Variants in GRIA2 observed in about 807,000 individuals in gnomAD.
GRIA2 encodes glutamate ionotropic receptor AMPA type subunit 2.
Under a neutral mutation model 97.3 loss-of-function variants are expected in GRIA2, and 14 were observed. That is an observed-to-expected ratio of 0.14 (90% CI 0.10 to 0.23). The LOEUF (loss-of-function observed/expected upper bound fraction) is 0.23, where lower values mean the gene tolerates loss of function less well. GRIA2 is among the 10% of genes least tolerant of loss of function. The probability of loss-of-function intolerance (pLI) is 1.00; values close to 1 mark genes in which losing one functional copy is unlikely to be tolerated. For synonymous variants in GRIA2, 412 were observed against 387.8 expected (o/e 1.06, Z -0.73); for missense variants, 558 against 1,069.8 (o/e 0.52, Z 6.67).
intron 4 of GRIA2, among the ~76,000 whole-genome samples, chr4:157,315,732 G>A (rs1251078172): frequency 6.6e-6 from 1 of 151,858 alleles, no homozygotes; most frequent in African/African-American, 2.4e-5. Context: ...GTAGAGACCG[G>A]GTATCACCAT....
chr4:157,338,890 T>C (rs1735422414), intron 11 of GRIA2, among the ~76,000 whole-genome samples: 1 of 152,010 alleles, frequency 6.6e-6, no homozygotes. Flanking sequence ...TTGAGAAGAA[T>C]ACAGTAGCTT....
chr4:157,282,190 G>A (rs1301711090), intron 2 of GRIA2, among the ~76,000 whole-genome samples: 1 of 151,960 alleles, frequency 6.6e-6, no homozygotes, highest in Non-Finnish European at 1.5e-5. Flanking sequence ...TCTGTCCATT[G>A]TGCGGTCCCA....
At chr4:157,324,562 T>C (rs1734722188) in intron 6 of GRIA2, among the ~76,000 whole-genome samples, 1 of 152,040 alleles carries the variant, frequency 6.6e-6, no homozygotes, top group African/African-American at 2.4e-5. Context: ...GGAAGAAAAG[T>C]GTGAGAAGTT....
chr4:157,362,369 T>C (rs553949200), intron 14 of GRIA2: 4 of 456,712 alleles, frequency 8.8e-6, no homozygotes, highest in East Asian at 1.4e-4. Context: ...ATGGTCAACA[T>C]TTAAAACTTG....
chr4:157,220,807 T>C lies in GRIA2; in HGVS notation c.-236T>C, dbSNP rs1446278241. ...AGCGGCAGCTCCGCTGAAAACTGCA[T>C]TCAGCCAGTCCTCCGGACTTCTGGA... On this transcript the variant is annotated 5_prime_UTR_variant, in exon 1 of 16. Transcript: ENST00000264426. 2 of 553,050 alleles carry C rather than the reference T, an allele frequency of 3.6e-6. No individual in the cohort carries two copies. Among genetic ancestry groups the C allele is most frequent in the African/African-American group, 3.8e-5 (2 of 52,642 alleles). The allele number at this position is 553,050 out of a possible 1,614,324, so 34.3% of individuals were successfully genotyped here.
chr4:157,316,530 AAT>A (rs1420514245), intron 4 of GRIA2, among the ~76,000 whole-genome samples: 2 of 152,040 alleles, frequency 1.3e-5, no homozygotes, highest in African/African-American at 4.8e-5. Context: ...TTCAAGAGTT[AAT>A]AAGGCAAAGG....
At chr4:157,331,026 A>C (rs1735025629) in intron 6 of GRIA2, among the ~76,000 whole-genome samples, 1 of 152,062 alleles carries the variant, frequency 6.6e-6, no homozygotes. Flanking sequence ...GTTTAGAAAA[A>C]TAAATGAGCC....
chr4:157,350,316 A>G (rs1028806864), intron 12 of GRIA2, among the ~76,000 whole-genome samples: 2 of 152,094 alleles, frequency 1.3e-5, no homozygotes, highest in African/African-American at 2.4e-5. Context: ...TATGGTTTTC[A>G]TATATTTTAA....
intron 11 of GRIA2, among the ~76,000 whole-genome samples, chr4:157,339,593 A>G (rs1056746267): frequency 6.6e-6 from 1 of 151,956 alleles, no homozygotes; most frequent in African/African-American, 2.4e-5. Flanking sequence ...AATAGAGGAC[A>G]ACTTACATCT....
intron 2 of GRIA2, among the ~76,000 whole-genome samples, chr4:157,276,289 T>C (rs1419022274): frequency 6.6e-6 from 1 of 152,030 alleles, no homozygotes; most frequent in Non-Finnish European, 1.5e-5. Context: ...TTCTAAATAA[T>C]ACATGGGTCA....
Position 157,331,727 on chromosome 4 carries a change from A to G in GRIA2, c.883-1092A>G, listed in dbSNP as rs532777094. 7.5e-4 allele frequency among the ~76,000 whole-genome samples: 114 copies of G among 152,056 alleles called. 1 individual carries two copies. Among genetic ancestry groups the G allele is most frequent in the Admixed American group, 1.1e-3 (17 of 15,216 alleles). Reference sequence around the variant, plus strand: ...AGATGGCTTATCTTTTTTCCATGACAAGGAAGGCAAGGTTTTCAGTGGAAT... The same window carrying G: ...AGATGGCTTATCTTTTTTCCATGACGAGGAAGGCAAGGTTTTCAGTGGAAT... On this transcript the variant is annotated intron_variant, in intron 6 of 15. Coordinates refer to ENST00000264426, the MANE Select transcript of GRIA2 (RefSeq NM_001083619.3).
chr4:157,248,963 G>A (rs1409551016), intron 2 of GRIA2, among the ~76,000 whole-genome samples: 1 of 151,616 alleles, frequency 6.6e-6, no homozygotes, highest in African/African-American at 2.4e-5. Flanking sequence ...TCAGCCTCCT[G>A]AGTAGCTGGG....
intron 2 of GRIA2, among the ~76,000 whole-genome samples, chr4:157,300,963 A>G (rs955383345): frequency 6.6e-6 from 1 of 152,162 alleles, no homozygotes; most frequent in Non-Finnish European, 1.5e-5. Context: ...ATTCTTTATC[A>G]GGCATCCTGC....
chr4:157,256,238 A>ATTACATATATATGTAATATATAATAT (rs1561013261), intron 2 of GRIA2, among the ~76,000 whole-genome samples: 1 of 82,856 alleles, frequency 1.2e-5, no homozygotes, highest in East Asian at 2.5e-4. Context: ...TATATAATAT[A>ATTACATATATATGTAATATATAATAT]TATATATAAT....
chr4:157,223,781 A>T (rs1194517408), intron 2 of GRIA2, among the ~76,000 whole-genome samples: 1 of 152,322 alleles, frequency 6.6e-6, no homozygotes, highest in African/African-American at 2.4e-5. Context: ...TGCCAAGTTC[A>T]CTCATTGGTG....
intron 2 of GRIA2, among the ~76,000 whole-genome samples, chr4:157,302,056 C>T (rs1393996551): frequency 6.6e-6 from 1 of 151,816 alleles, no homozygotes; most frequent in African/African-American, 2.4e-5. Flanking sequence ...GCCTGTAATC[C>T]CAGCTACTCG....
chr4:157,223,718 T>G (rs905022437), intron 2 of GRIA2, among the ~76,000 whole-genome samples: 3 of 152,218 alleles, frequency 2.0e-5, no homozygotes, highest in Non-Finnish European at 4.4e-5. Flanking sequence ...ACATAGGTTT[T>G]GAATGTGAAG....
At chr4:157,333,453 T>A (rs1735148600) in intron 8 of GRIA2, 100 bp downstream of exon 8, 2 of 538,048 alleles carry the variant, frequency 3.7e-6, no homozygotes, top group Non-Finnish European at 6.6e-6. Flanking sequence ...TGTATTCACA[T>A]AGAGTTTAAC....
At chr4:157,332,151 G>T (rs889922203) in intron 6 of GRIA2, among the ~76,000 whole-genome samples, 1 of 152,018 alleles carries the variant, frequency 6.6e-6, no homozygotes, top group East Asian at 1.9e-4. Context: ...TGTACCTAGG[G>T]CTTGGCCCTA....
Sources: allele counts gnomAD v4.1 joint callset (sites outside exome capture counted in the v4.1 genomes callset), GRCh38; gene constraint gnomAD v4.1.1; transcripts MANE v1.5; gene names NCBI Gene and HGNC (gene_info 2026-07-23, HGNC 2026-07-21).